VRK2: variants seen among roughly 807,000 people sequenced by gnomAD.
VRK2 encodes the protein VRK serine/threonine kinase 2, also known as serine/threonine-protein kinase VRK2.
VRK2 carries 60 observed loss-of-function variants against 57.6 expected under a neutral mutation model. The ratio of observed to expected loss-of-function variants is 1.04; its 90% CI spans 0.85 to 1.29. VRK2 has a LOEUF of 1.29. VRK2 is among the 50% of genes most tolerant of loss of function. The pLI, the probability that VRK2 is intolerant of heterozygous loss-of-function variation, is 0.00. For missense variants in VRK2, 705 were observed against 588.1 expected (o/e 1.20, Z -2.06); for synonymous variants, 231 against 199.2 (o/e 1.16, Z -1.35).
intron 1 of VRK2, among the ~76,000 whole-genome samples, chr2:58,013,858 CAAAAAAAA>C (rs60604486): frequency 2.4e-4 from 15 of 62,800 alleles, no homozygotes; most frequent in African/African-American, 2.7e-4. Context: ...GACTCCGTCT[CAAAAAAAA>C]AAAAAAAAAA....
intron 1 of VRK2, among the ~76,000 whole-genome samples, chr2:57,959,816 G>A (rs1671700991): frequency 6.6e-6 from 1 of 152,108 alleles, no homozygotes; most frequent in African/African-American, 2.4e-5. Context: ...CTTTAATGCT[G>A]TTTCAGTTAG....
At chr2:57,980,998 T>C (rs1672407197) in intron 1 of VRK2, among the ~76,000 whole-genome samples, 1 of 152,234 alleles carries the variant, frequency 6.6e-6, no homozygotes, top group South Asian at 2.1e-4. Flanking sequence ...TGCCACTGTG[T>C]CTTTTAAGTG....
In VRK2 at chr2:58,156,324, T is replaced by C. The variant is rs188010763; in HGVS notation, c.1183-3025T>C. Among the ~76,000 whole-genome samples the C allele has an allele frequency of 5.9e-5, 9 of 152,286 alleles. No homozygotes were observed. In the South Asian group the frequency reaches 1.0e-3, roughly 18 times the overall value. ...TTCAAGATTTGCTTGTTATTTTTGG[T>C]TTTGTAAGGATGGCTGTCTTTTGTT... On this transcript the variant is annotated intron_variant, in intron 12 of 12. Transcript: ENST00000340157.
In VRK2 at chr2:58,131,925, C is replaced by G. The variant is rs1679256678; in HGVS notation, c.794C>G (p.Thr265Arg). 1 of 1,613,922 alleles carries G rather than the reference C, an allele frequency of 6.2e-7. No homozygotes were observed. The highest frequency in any genetic ancestry group is 8.5e-7 in the Non-Finnish European group (1 of 1,179,974). Residue 265 changes from threonine (T) to arginine (R), a missense_variant, in exon 9 of 13, where the codon ACA (threonine) becomes AGA (arginine). Physicochemically the swap from Thr to Arg is moderately conservative, Grantham distance 71. Transcript: ENST00000340157. ...KDPVAVQTAKTNLLDELPQSV... is the reference protein window; with the variant it reads ...KDPVAVQTAKRNLLDELPQSV... ...CCTGTGGCTGTGCAGACTGCTAAAA[C>G]AAAGTACAAATTTTCAAGTATTTCA...
upstream of VRK2, among the ~76,000 whole-genome samples, chr2:58,045,361 C>T (rs1208115984): frequency 6.6e-6 from 1 of 152,068 alleles, no homozygotes; most frequent in Non-Finnish European, 1.5e-5. Context: ...AAGTAATCTG[C>T]TGTGGTTGCT....
rs566275925 is a variant in VRK2 at position 57,994,311 on chromosome 2, A to G, written c.-438-31354A>G. On this transcript the variant is annotated intron_variant, in intron 1 of 15. Coordinates refer to the VRK2 transcript ENST00000417641. Reference sequence around the variant, plus strand: ...GAAATGGTAAAATTGACATAACATTATAACATAAACTGTGTAAGTTTAAAG... The same window carrying G: ...GAAATGGTAAAATTGACATAACATTGTAACATAAACTGTGTAAGTTTAAAG... Among the ~76,000 whole-genome samples the G allele has an allele frequency of 7.2e-4, 109 of 152,348 alleles. 1 individual carries two copies. Among genetic ancestry groups the G allele is most frequent in the African/African-American group, 2.5e-3 (102 of 41,576 alleles).
chr2:58,153,976 CTATT>C (rs1338243445), intron 12 of VRK2, among the ~76,000 whole-genome samples: 1 of 152,060 alleles, frequency 6.6e-6, no homozygotes, highest in Non-Finnish European at 1.5e-5. Flanking sequence ...CTTGTCACAA[CTATT>C]TATCTCTTGC....
At chr2:57,938,621 C>A (rs1023237988) in intron 1 of VRK2, among the ~76,000 whole-genome samples, 11 of 152,132 alleles carry the variant, frequency 7.2e-5, no homozygotes, top group Admixed American at 5.9e-4. Flanking sequence ...TACTAACTTT[C>A]ATGGCTTTCA....
chr2:57,942,954 A>G (rs765433879), intron 1 of VRK2, among the ~76,000 whole-genome samples: 20 of 152,088 alleles, frequency 1.3e-4, no homozygotes, highest in Non-Finnish European at 2.2e-4. Context: ...CTCCCTATAT[A>G]TTTTTTAATT....
chr2:57,985,950 T>C (rs1518398), intron 1 of VRK2, among the ~76,000 whole-genome samples: 18,591 of 152,130 alleles, frequency 0.12, 1,224 homozygotes, highest in East Asian at 0.19. Flanking sequence ...TAATTAGACA[T>C]AAATCCAACT....
chr2:58,050,746 T>C (rs951642138), intron 2 of VRK2, among the ~76,000 whole-genome samples: 8 of 152,252 alleles, frequency 5.3e-5, no homozygotes, highest in African/African-American at 1.4e-4. Flanking sequence ...GTTACTGTTA[T>C]GATAAAGGAA....
At chr2:57,935,891 C>T (rs941454709) in intron 1 of VRK2, among the ~76,000 whole-genome samples, 4 of 152,210 alleles carry the variant, frequency 2.6e-5, no homozygotes, top group Non-Finnish European at 4.4e-5. Context: ...GTTTTATTAA[C>T]TCTTCAACAC....
rs985994442 is a variant in VRK2, at chr2:57,978,857, G to C, written c.-438-46808G>C. Among the ~76,000 whole-genome samples, 10 of 150,674 alleles carry C rather than the reference G, an allele frequency of 6.6e-5. 1 individual carries two copies. The highest frequency in any genetic ancestry group is 4.6e-4 in the Admixed American group (7 of 15,226). On this transcript the variant is annotated intron_variant, in intron 1 of 15. Transcript: ENST00000417641. ...ATGTTGTTCCCCTCTCCATGTCCAT[G>C]TGTTCTCAATCTTCAACTCCCAATT...
chr2:57,927,937 T>C (rs1670593351), intron 1 of VRK2, among the ~76,000 whole-genome samples: 1 of 152,186 alleles, frequency 6.6e-6, no homozygotes, highest in Admixed American at 6.5e-5. Context: ...TCCTATGTTA[T>C]TTGTTTATTT....
intron 1 of VRK2, among the ~76,000 whole-genome samples, chr2:58,022,500 A>T (rs931277066): frequency 3.9e-5 from 6 of 152,210 alleles, no homozygotes; most frequent in Non-Finnish European, 8.8e-5. Flanking sequence ...GGGGAGTAGG[A>T]AAAGAGCAAA....
At chr2:58,136,341 C>A (rs1324333450) in intron 10 of VRK2, among the ~76,000 whole-genome samples, 1 of 151,240 alleles carries the variant, frequency 6.6e-6, no homozygotes, top group East Asian at 1.9e-4. Context: ...TTGTCAATAA[C>A]TTGGTCAAAA....
At chr2:58,122,778 G>A (rs1558664425) in intron 7 of VRK2, among the ~76,000 whole-genome samples, 1 of 152,158 alleles carries the variant, frequency 6.6e-6, no homozygotes, top group Admixed American at 6.5e-5. Flanking sequence ...CCTCAACTGT[G>A]TGAATACAGA....
chr2:57,927,425 T>C (rs1469982647), intron 1 of VRK2, among the ~76,000 whole-genome samples: 1 of 152,124 alleles, frequency 6.6e-6, no homozygotes, highest in African/African-American at 2.4e-5. Flanking sequence ...TACAGGTGCA[T>C]GGCACCATCC....
intron 2 of VRK2, among the ~76,000 whole-genome samples, chr2:58,074,311 T>G (rs1487626957): frequency 6.6e-6 from 1 of 152,138 alleles, no homozygotes; most frequent in African/African-American, 2.4e-5. Context: ...ATATTTGCAT[T>G]ATTATCTGCT....
Sources: gnomAD v4.1 joint callset for allele counts (sites outside exome capture counted in the v4.1 genomes callset) on GRCh38, gnomAD v4.1.1 for gene constraint, MANE v1.5 for transcripts, NCBI Gene and HGNC (gene_info 2026-07-23, HGNC 2026-07-21) for gene names.